Variants in TTC23L observed in about 807,000 individuals in gnomAD.
TTC23L encodes tetratricopeptide repeat domain 23 like, also known as tetratricopeptide repeat protein 23-like.
TTC23L carries 42 observed loss-of-function variants against 48.1 expected under a neutral mutation model. The ratio of observed to expected loss-of-function variants is 0.87; its 90% CI spans 0.68 to 1.13. The LOEUF (loss-of-function observed/expected upper bound fraction) is 1.13, where lower values mean the gene tolerates loss of function less well. TTC23L is among the 50% of genes most tolerant of loss of function. The probability of loss-of-function intolerance (pLI) is 0.00; values close to 1 mark genes in which losing one functional copy is unlikely to be tolerated. For synonymous variants in TTC23L, 159 were observed against 157.2 expected, an observed-to-expected ratio of 1.01 and a Z score of -0.09; for missense variants, 391 against 421.0, an observed-to-expected ratio of 0.93 and a Z score of 0.62.
intron 4 of TTC23L, among the ~76,000 whole-genome samples, chr5:34,852,793 AT>A (rs1759781377): frequency 6.6e-6 from 1 of 152,116 alleles, no homozygotes; most frequent in South Asian, 2.1e-4. Context: ...AGACTGGGTA[AT>A]TTATAAAGAA....
intron 9 of TTC23L, chr5:34,880,638 T>C (rs1262129205): frequency 1.2e-5 from 5 of 411,574 alleles, no homozygotes; most frequent in Non-Finnish European, 2.3e-5. Context: ...GTTCCCTCTC[T>C]GACAAACTTT....
rs1335954313 is a variant in TTC23L, at chr5:34,839,676, C to T, written c.-8+417C>T. ...CTGGGTCAGAAAGCCACTCAGGGCTCGGTGGGAATTAGTGATTCTGGAGGG... is the reference window on the plus strand; with the variant it reads ...CTGGGTCAGAAAGCCACTCAGGGCTTGGTGGGAATTAGTGATTCTGGAGGG... On this transcript the variant is annotated intron_variant, in intron 1 of 10. Coordinates refer to ENST00000505624, the Ensembl canonical transcript of TTC23L. 5.1e-6 allele frequency: 5 copies of T among 984,984 alleles called. No individual in the cohort carries two copies. The South Asian group carries it at 1.4e-4, about 28-fold the overall frequency. The allele number at this position is 984,984 out of a possible 1,614,324, so 61.0% of individuals were successfully genotyped here. A position where few individuals can be genotyped will look rare whatever the true frequency, so the allele number is the denominator to read the frequency against.
chr5:34,918,159 AAC>A, the TTC23L span: 11 of 356,078 alleles, frequency 3.1e-5, no homozygotes, highest in East Asian at 4.6e-5. Context: ...AAAAAAAAAA[AAC>A]TAGCTGGACA....
the TTC23L span, chr5:34,921,941 C>T: frequency 4.9e-6 from 1 of 203,338 alleles, no homozygotes; most frequent in African/African-American, 2.3e-5. Context: ...GGGAGGTTTC[C>T]AGTAATCAGA....
At chr5:34,854,482 G>A (rs948363061) in intron 4 of TTC23L, among the ~76,000 whole-genome samples, 14 of 152,134 alleles carry the variant, frequency 9.2e-5, no homozygotes, top group Non-Finnish European at 1.5e-5. Flanking sequence ...AATAAGTAAG[G>A]CTTTGAAAAA....
At chr5:34,839,851 G>A (rs373651504) in intron 1 of TTC23L, among the ~76,000 whole-genome samples, 24 of 152,308 alleles carry the variant, frequency 1.6e-4, no homozygotes, top group African/African-American at 5.5e-4. Flanking sequence ...TTGTGCTTCC[G>A]AGGTTTCTCC....
chr5:34,881,097 T>C (rs1011489769), intron 9 of TTC23L, among the ~76,000 whole-genome samples: 2 of 152,204 alleles, frequency 1.3e-5, no homozygotes, highest in African/African-American at 4.8e-5. Context: ...AGGGCTTAGG[T>C]GGCTTGGAAT....
chr5:34,861,922 G>A (rs368250504), intron 4 of TTC23L, among the ~76,000 whole-genome samples: 1 of 152,156 alleles, frequency 6.6e-6, no homozygotes, highest in East Asian at 1.9e-4. Context: ...GCTTGAGTAA[G>A]TGCCCAGGAA....
At chr5:34,846,145 A>G (rs1381337710) in intron 3 of TTC23L, among the ~76,000 whole-genome samples, 1 of 152,158 alleles carries the variant, frequency 6.6e-6, no homozygotes, top group Non-Finnish European at 1.5e-5. Context: ...TGATTGTGCA[A>G]CTGCACTCCA....
At chr5:34,883,577 A>C (rs1762375148) in intron 9 of TTC23L, 1 of 152,660 alleles carries the variant, frequency 6.6e-6, no homozygotes, top group Non-Finnish European at 1.5e-5. Context: ...TAAAATCAGA[A>C]ATGAAAGAAG....
At chr5:34,919,719 A>G in the TTC23L span, 2 of 373,498 alleles carry the variant, frequency 5.4e-6, no homozygotes, top group Non-Finnish European at 1.0e-5. Flanking sequence ...TAGTAATAAA[A>G]TCTCCTTTAA....
exon 4 of TTC23L, chr5:34,850,271 T>C: frequency 6.2e-7 from 1 of 1,613,918 alleles, no homozygotes; most frequent in Non-Finnish European, 8.5e-7. Context: ...GTGCACGAGC[T>C]CTGGCCAACC....
At chr5:34,840,876 G>A (rs1345435501) in intron 2 of TTC23L, 137 bp downstream of exon 2, 9 of 791,078 alleles carry the variant, frequency 1.1e-5, no homozygotes, top group East Asian at 2.5e-5. Context: ...GTGAAACCCC[G>A]TCTCTACTAA....
chr5:34,909,026 T>C, the TTC23L span: 7 of 1,300,040 alleles, frequency 5.4e-6, no homozygotes, highest in African/African-American at 9.0e-5. Flanking sequence ...GGATAAAAAG[T>C]AGCAAATCTA....
chr5:34,875,566 C>A (rs1761776051), intron 8 of TTC23L, among the ~76,000 whole-genome samples: 1 of 152,072 alleles, frequency 6.6e-6, no homozygotes, highest in South Asian at 2.1e-4. Context: ...ATTGTACCCA[C>A]CCAGATTAAG....
At chr5:34,844,644 G>A (rs1321188555) in intron 2 of TTC23L, among the ~76,000 whole-genome samples, 1 of 152,070 alleles carries the variant, frequency 6.6e-6, no homozygotes, top group Non-Finnish European at 1.5e-5. Flanking sequence ...AAACTACTCA[G>A]TGGCTGAACT....
chr5:34,851,344 A>G (rs1178556609), intron 4 of TTC23L, among the ~76,000 whole-genome samples: 2 of 152,224 alleles, frequency 1.3e-5, no homozygotes, highest in African/African-American at 4.8e-5. Context: ...TTTTGAAAAA[A>G]TTAAAATTGA....
chr5:34,925,646 T>A, the TTC23L span: 1 of 627,896 alleles, frequency 1.6e-6, no homozygotes, highest in African/African-American at 1.9e-5. Context: ...GTGATTATCT[T>A]TTTCTAAATA....
chr5:34,878,526 A>T (rs1272444869), intron 8 of TTC23L, among the ~76,000 whole-genome samples: 1 of 152,240 alleles, frequency 6.6e-6, no homozygotes, highest in Non-Finnish European at 1.5e-5. Context: ...TCTGAAGTTT[A>T]CATGGAGAGG....
Sources: allele counts gnomAD v4.1 joint callset (sites outside exome capture counted in the v4.1 genomes callset), GRCh38; gene constraint gnomAD v4.1.1; transcripts MANE v1.5; gene names NCBI Gene and HGNC (gene_info 2026-07-23, HGNC 2026-07-21).